The following NDC1 variants were observed in gnomAD, a reference collection of about 807,000 sequenced individuals.
NDC1 encodes nucleoporin NDC1.
NDC1 carries 24 observed loss-of-function variants against 89.8 expected under a neutral mutation model. The observed-to-expected ratio is 0.27, with a 90% CI of 0.19 to 0.38. The LOEUF is 0.38. Among genes scored for constraint, NDC1 ranks in the 10% least tolerant of loss-of-function variants. The pLI is 1.00. For synonymous variants in NDC1, 296 were observed against 284.8 expected (o/e 1.04, Z -0.39); for missense variants, 728 against 797.6 (o/e 0.91, Z 1.05).
rs1266260522 is a variant in NDC1, at chr1:53,766,386, T to C, written c.*1584A>G. The C allele has an allele frequency of 2.0e-5, 3 of 152,126 alleles. No homozygotes were observed. The highest frequency in any genetic ancestry group is 7.2e-5 in the African/African-American group (3 of 41,420). 9.4% of individuals were successfully genotyped at this position (152,126 alleles called of 1,614,324 possible). A position where few individuals can be genotyped will look rare whatever the true frequency, so the allele number is the denominator to read the frequency against. ...TGTGTTAATACATGGAAGACAACAG[T>C]TCTCAGTCAACCTAGCCACAATTTT... On this transcript the variant is annotated 3_prime_UTR_variant, in exon 18 of 18. Coordinates refer to ENST00000371429, the MANE Select transcript of NDC1 (RefSeq NM_018087.5).
chr1:53,767,423 C>T lies in NDC1; in HGVS notation c.*547G>A, dbSNP rs1431746598. On this transcript the variant is annotated 3_prime_UTR_variant, in exon 18 of 18. Coordinates refer to ENST00000371429, the MANE Select transcript of NDC1 (RefSeq NM_018087.5). Reference sequence around the variant, plus strand: ...GTAATCATACAAATTTAATTTGTCCCTGGAAACAAAAACCCAACCTAACAG... The same window carrying T: ...GTAATCATACAAATTTAATTTGTCCTTGGAAACAAAAACCCAACCTAACAG... 6.6e-6 allele frequency: 1 copy of T among 152,126 alleles called. No individual in the cohort carries two copies. The highest frequency in any genetic ancestry group is 1.5e-5 in the Non-Finnish European group (1 of 68,022). 9.4% of individuals were successfully genotyped at this position (152,126 alleles called of 1,614,324 possible).
intron 16 of NDC1, among the ~76,000 whole-genome samples, chr1:53,778,551 G>C (rs1647180413): frequency 6.6e-6 from 1 of 151,430 alleles, no homozygotes; most frequent in Non-Finnish European, 1.5e-5. Context: ...CTGGGAGTTG[G>C]AGACTAGCTT....
chr1:53,822,123 G>A (rs1446032133), intron 5 of NDC1, among the ~76,000 whole-genome samples: 1 of 152,066 alleles, frequency 6.6e-6, no homozygotes, highest in Non-Finnish European at 1.5e-5. Context: ...AAAACTAATG[G>A]ACTAATGGCA....
At chr1:53,821,410 T>A (rs1036316729) in intron 5 of NDC1, among the ~76,000 whole-genome samples, 8 of 152,158 alleles carry the variant, frequency 5.3e-5, no homozygotes, top group Non-Finnish European at 1.0e-4. Context: ...GCCACTGCAC[T>A]CCAGCCTAGG....
intron 5 of NDC1, among the ~76,000 whole-genome samples, chr1:53,822,026 A>G (rs1272708048): frequency 2.0e-5 from 3 of 151,784 alleles, no homozygotes; most frequent in African/African-American, 7.3e-5. Flanking sequence ...TATTATTTGT[A>G]TTTTTTACAC....
chr1:53,829,619 T>C (rs1181174), intron 3 of NDC1, among the ~76,000 whole-genome samples: 38,650 of 152,108 alleles, frequency 0.25, 5,924 homozygotes, highest in African/African-American at 0.43. Flanking sequence ...CTCTTTTCTC[T>C]CCACACAATG....
At chr1:53,830,102 G>C (rs1649004805) in intron 3 of NDC1, among the ~76,000 whole-genome samples, 1 of 151,910 alleles carries the variant, frequency 6.6e-6, no homozygotes, top group Non-Finnish European at 1.5e-5. Context: ...AGCGAGCCAA[G>C]ACCATACCAC....
chr1:53,797,254 A>G, intron 11 of NDC1, 110 bp from the exon 12 acceptor site: 1 of 979,280 alleles, frequency 1.0e-6, no homozygotes, highest in Non-Finnish European at 1.5e-6. Context: ...ATTTACCCAA[A>G]GCTCAGTAGA....
chr1:53,828,047 G>C lies in NDC1; in HGVS notation c.407C>G (p.Thr136Ser). Residue 136 changes from threonine to serine, a missense_variant, in exon 4 of 18, where the codon ACC becomes AGC. By Grantham distance (58) the Thr-to-Ser change is moderately conservative. Coordinates refer to ENST00000371429, the MANE Select transcript of NDC1 (RefSeq NM_018087.5). ...MVMAWCAAVI[T>S]QGQYSFLVVP... ...CACAAGAAAGCTGTACTGGCCCTGG[G>C]TTATCACTGCAGCACACCAGGCCAT... The C allele has an allele frequency of 6.2e-7, 1 of 1,613,926 alleles. No individual in the cohort carries two copies. Among genetic ancestry groups the C allele is most frequent in the Non-Finnish European group, 8.5e-7 (1 of 1,179,910 alleles).
chr1:53,791,115 C>G (rs1363078779), intron 14 of NDC1, among the ~76,000 whole-genome samples: 1 of 152,136 alleles, frequency 6.6e-6, no homozygotes, highest in Non-Finnish European at 1.5e-5. Flanking sequence ...AGCTTCTATA[C>G]GTAAGTAAGA....
intron 13 of NDC1, among the ~76,000 whole-genome samples, chr1:53,795,127 C>A (rs1324289902): frequency 6.6e-6 from 1 of 152,104 alleles, no homozygotes; most frequent in Non-Finnish European, 1.5e-5. Context: ...CCATGCTACC[C>A]ATCAGCAGCA....
Position 53,787,218 on chromosome 1 carries a change from T to G in NDC1, c.1740A>C (p.Arg580Ser). 1 of 1,608,842 alleles carries G rather than the reference T, an allele frequency of 6.2e-7. No homozygotes were observed. The highest frequency in any genetic ancestry group is 8.5e-7 in the Non-Finnish European group (1 of 1,178,382). The change falls in exon 16 of 18, where the codon AGA becomes AGC. Residue 580 changes from arginine to serine, a missense_variant. Physicochemically the swap from Arg to Ser is moderately radical, Grantham distance 110. Transcript: ENST00000371429. ...HLVAASFTEDRFGVVQTTLPA... is the reference protein window; with the variant it reads ...HLVAASFTEDSFGVVQTTLPA... ...GTAGTGTCGTCTGGACAACTCCAAATCTATCCTCTGTAAATGATGCTGCTA... is the reference window on the plus strand; with the variant it reads ...GTAGTGTCGTCTGGACAACTCCAAAGCTATCCTCTGTAAATGATGCTGCTA...
At chr1:53,836,307 G>A (rs1649229118) in intron 1 of NDC1, among the ~76,000 whole-genome samples, 2 of 152,048 alleles carry the variant, frequency 1.3e-5, no homozygotes, top group South Asian at 2.1e-4. Context: ...CAGCACTTTG[G>A]GAGGCCAGGG....
At chr1:53,818,396 G>A (rs983288429) in intron 6 of NDC1, among the ~76,000 whole-genome samples, 8 of 151,134 alleles carry the variant, frequency 5.3e-5, no homozygotes, top group South Asian at 4.2e-4. Context: ...AGCCAAGATC[G>A]CGCCATTACG....
chr1:53,817,553 G>C (rs1172459042), intron 6 of NDC1, among the ~76,000 whole-genome samples: 2 of 151,908 alleles, frequency 1.3e-5, no homozygotes, highest in Non-Finnish European at 2.9e-5. Context: ...TTGGGTGATG[G>C]GTGCACCTAA....
intron 9 of NDC1, among the ~76,000 whole-genome samples, chr1:53,804,721 C>T (rs1006891972): frequency 6.6e-6 from 1 of 152,162 alleles, no homozygotes; most frequent in African/African-American, 2.4e-5. Flanking sequence ...AAGTGATCCA[C>T]CTGCCTTGGC....
chr1:53,832,111 T>C (rs1025300355), intron 3 of NDC1, among the ~76,000 whole-genome samples: 6 of 152,168 alleles, frequency 3.9e-5, no homozygotes, highest in Admixed American at 3.9e-4. Context: ...TACACTCATA[T>C]TGTTGTATAA....
chr1:53,772,723 A>AACATAACATAACATAACATAACAT (rs1159986666), intron 16 of NDC1, among the ~76,000 whole-genome samples: 4 of 118,640 alleles, frequency 3.4e-5, no homozygotes, highest in South Asian at 2.5e-4. Flanking sequence ...TAACATAACA[A>AACATAACATAACATAACATAACAT]AACAAAACAA....
intron 13 of NDC1, 27 bp from the exon 14 acceptor site, chr1:53,793,306 C>T (rs1269568000): frequency 6.5e-7 from 1 of 1,540,522 alleles, no homozygotes; most frequent in Non-Finnish European, 9.0e-7. Flanking sequence ...GAAGAATTAA[C>T]ACATTTACCT....
Sources: allele counts gnomAD v4.1 joint callset (sites outside exome capture counted in the v4.1 genomes callset), GRCh38; gene constraint gnomAD v4.1.1; transcripts MANE v1.5; gene names NCBI Gene and HGNC (gene_info 2026-07-23, HGNC 2026-07-21).